MTCL1: variants seen among roughly 807,000 people sequenced by gnomAD.
The protein encoded by MTCL1 is microtubule cross-linking factor 1.
Under a neutral mutation model 141.4 loss-of-function variants are expected in MTCL1, and 79 were observed. That is an observed-to-expected ratio of 0.56 (90% CI 0.47 to 0.67). MTCL1 has a LOEUF of 0.67. Ranked by LOEUF, MTCL1 falls within the 30% of genes least tolerant of loss-of-function variation. The pLI, the probability that MTCL1 is intolerant of heterozygous loss-of-function variation, is 0.00. For missense variants in MTCL1, 2,177 were observed against 2,113.9 expected (o/e 1.03, Z -0.59); for synonymous variants, 914 against 875.8 (o/e 1.04, Z -0.77).
chr18:8,748,566 G>A (rs56682421), intron 4 of MTCL1, among the ~76,000 whole-genome samples: 8,966 of 150,588 alleles, frequency 0.06, 481 homozygotes, highest in East Asian at 0.17. Context: ...GTATGTATGT[G>A]TATATATATA....
chr18:8,733,816 C>G (rs1203815910), intron 4 of MTCL1, among the ~76,000 whole-genome samples: 1 of 152,112 alleles, frequency 6.6e-6, no homozygotes, highest in East Asian at 1.9e-4. Context: ...AGTGGTGGGG[C>G]TTGGCCAGGC....
chr18:8,784,932 C>T lies in MTCL1; in HGVS notation c.1731+89C>T, dbSNP rs1289451749. 3.0e-5 allele frequency: 36 copies of T among 1,207,520 alleles called. 1 individual carries two copies. The highest frequency in any genetic ancestry group is 3.3e-5 in the Non-Finnish European group (29 of 878,212). 74.8% of individuals were successfully genotyped at this position (1,207,520 alleles called of 1,614,324 possible). The stretch of plus-strand genomic sequence containing the variant: ...GCTGCACTCGGGCTCACGCTGCTCA[C>T]GGCTGCTTGGTTATGATTTCAAACC... On this transcript the variant is annotated intron_variant, in intron 6 of 16. Coordinates refer to ENST00000359865, the Ensembl canonical transcript of MTCL1.
At chr18:8,816,910 G>A (rs1293251667) in intron 12 of MTCL1, among the ~76,000 whole-genome samples, 3 of 152,160 alleles carry the variant, frequency 2.0e-5, no homozygotes, top group South Asian at 2.1e-4. Context: ...CTGAGGACTC[G>A]TTCTATTACA....
At chr18:8,780,750 A>G (rs1421577108) in intron 5 of MTCL1, among the ~76,000 whole-genome samples, 2 of 152,238 alleles carry the variant, frequency 1.3e-5, no homozygotes, top group Non-Finnish European at 2.9e-5. Flanking sequence ...TCTGTGTTTA[A>G]CAAAAATTGA....
chr18:8,781,990 TC>T (rs1391992722), intron 5 of MTCL1: 2 of 152,232 alleles, frequency 1.3e-5, no homozygotes, highest in African/African-American at 4.8e-5. Flanking sequence ...CATATCGTTT[TC>T]CCCCTTTCCA....
At chr18:8,742,139 G>T (rs1253488186) in intron 4 of MTCL1, among the ~76,000 whole-genome samples, 1 of 152,124 alleles carries the variant, frequency 6.6e-6, no homozygotes, top group African/African-American at 2.4e-5. Flanking sequence ...TTTGGTGGGA[G>T]TATGTAGGCA....
At chr18:8,787,727 C>T (rs545893638) in intron 7 of MTCL1, among the ~76,000 whole-genome samples, 1 of 152,366 alleles carries the variant, frequency 6.6e-6, no homozygotes, top group Admixed American at 6.5e-5. Context: ...GCAAACATCC[C>T]TCATTCTGAT....
chr18:8,826,553 C>T (rs763998160), intron 15 of MTCL1, among the ~76,000 whole-genome samples: 6 of 152,182 alleles, frequency 3.9e-5, no homozygotes, highest in Non-Finnish European at 7.3e-5. Flanking sequence ...TGCCTTCTTT[C>T]TGTGTGAATT....
intron 14 of MTCL1, 74 bp from the exon 14 acceptor site, chr18:8,824,625 G>A: frequency 5.3e-6 from 7 of 1,321,978 alleles, no homozygotes; most frequent in Non-Finnish European, 1.0e-6. Context: ...TCTCATGCAG[G>A]GCAGGACATG....
At chr18:8,768,727 T>C (rs1055530509) in intron 4 of MTCL1, among the ~76,000 whole-genome samples, 1 of 151,970 alleles carries the variant, frequency 6.6e-6, no homozygotes, top group African/African-American at 2.4e-5. Flanking sequence ...CCTCTCTTGA[T>C]GGACTGGTAG....
At chr18:8,789,803 A>T in intron 7 of MTCL1, 2 of 737,836 alleles carry the variant, frequency 2.7e-6, no homozygotes, top group Non-Finnish European at 1.7e-6. Context: ...ATTTTTTTAG[A>T]AGACATTTAT....
intron 4 of MTCL1, among the ~76,000 whole-genome samples, chr18:8,765,006 T>A (rs1312224469): frequency 6.6e-6 from 1 of 152,048 alleles, no homozygotes; most frequent in East Asian, 1.9e-4. Context: ...CCTATGTAGG[T>A]ATGTGACTAG....
intron 4 of MTCL1, among the ~76,000 whole-genome samples, chr18:8,757,196 G>T (rs1046877653): frequency 6.7e-6 from 1 of 149,444 alleles, no homozygotes. Flanking sequence ...GGCAGCTGTG[G>T]TGTTTTCATC....
exon 6 of MTCL1, chr18:8,784,237 G>C (rs764623105): frequency 6.2e-7 from 1 of 1,608,898 alleles, no homozygotes. Flanking sequence ...CAGCCCACCT[G>C]GGGCTGCGTG....
intron 6 of MTCL1, among the ~76,000 whole-genome samples, chr18:8,785,512 G>C (rs2096549611): frequency 6.6e-6 from 1 of 152,222 alleles, no homozygotes; most frequent in Admixed American, 6.5e-5. Flanking sequence ...GCATGGCCCA[G>C]CTGCCGCCCT....
rs1327849303 is a variant in MTCL1, at chr18:8,830,450, G to C, written c.*19-1157G>C. 2 of 985,568 alleles carry C rather than the reference G, an allele frequency of 2.0e-6. No homozygotes were observed. Among genetic ancestry groups the C allele is most frequent in the South Asian group, 4.7e-5 (1 of 21,286 alleles). The allele number at this position is 985,568 out of a possible 1,614,324, so 61.1% of individuals were successfully genotyped here. ...AGCCTGTGGCTCCCACGCTGTCCTC[G>C]GGCCATGCTGTCTCTGCCGTGTTCC... On this transcript the variant is annotated intron_variant, in intron 16 of 16. Coordinates refer to ENST00000359865, the Ensembl canonical transcript of MTCL1. This position sits in a 1 kb window ranked among gnomAD's most constrained non-coding sequence, Gnocchi z 6.4.
intron 4 of MTCL1, among the ~76,000 whole-genome samples, chr18:8,733,472 C>A (rs1248059445): frequency 6.6e-6 from 1 of 152,136 alleles, no homozygotes; most frequent in Non-Finnish European, 1.5e-5. Flanking sequence ...GTGGCGTGAT[C>A]TTGCCTCACT....
rs1183814599 is a variant in MTCL1, at chr18:8,748,566, G to GTA, written c.357+28082_357+28083dup. On this transcript the variant is annotated intron_variant, in intron 4 of 16. Transcript: ENST00000359865. ...TGTCTCCAAATATATGTATGTATGT[G>GTA]TATATATATATATGCACACACACAC... is the stretch of plus-strand genomic sequence containing the variant. Among the ~76,000 whole-genome samples, 34 of 150,614 alleles carry GTA rather than the reference G, an allele frequency of 2.3e-4. 1 individual carries two copies. The highest frequency in any genetic ancestry group is 1.3e-3 in the South Asian group (6 of 4,748).
intron 8 of MTCL1, among the ~76,000 whole-genome samples, chr18:8,794,017 A>G (rs1280021820): frequency 6.6e-6 from 1 of 152,252 alleles, no homozygotes; most frequent in Non-Finnish European, 1.5e-5. Flanking sequence ...TAGGGAAGGC[A>G]GGGCCGAATG....
Sources: gnomAD v4.1 joint callset for allele counts (sites outside exome capture counted in the v4.1 genomes callset) on GRCh38, gnomAD v4.1.1 for gene constraint, Gnocchi (gnomAD v3.1) non-coding constraint, MANE v1.5 for transcripts, NCBI Gene and HGNC (gene_info 2026-07-23, HGNC 2026-07-21) for gene names.